The following USP20 variants were observed in gnomAD, a reference collection of about 807,000 sequenced individuals.
The protein encoded by USP20 is ubiquitin specific peptidase 20.
A neutral mutation model predicts 124.2 loss-of-function variants in USP20; 80 were observed. The observed-to-expected ratio is 0.64, with a 90% CI of 0.54 to 0.78. The LOEUF (loss-of-function observed/expected upper bound fraction) is 0.78, where lower values mean the gene tolerates loss of function less well. USP20 is among the 30% of genes least tolerant of loss of function. The probability of loss-of-function intolerance (pLI) is 0.00; values close to 1 mark genes in which losing one functional copy is unlikely to be tolerated. For synonymous variants in USP20, 481 were observed against 512.3 expected, an observed-to-expected ratio of 0.94 and a Z score of 0.83; for missense variants, 1,043 against 1,244.4, an observed-to-expected ratio of 0.84 and a Z score of 2.44.
At chr9:129,838,368 G>T (rs1194957936) in intron 1 of USP20, among the ~76,000 whole-genome samples, 1 of 152,174 alleles carries the variant, frequency 6.6e-6, no homozygotes, top group Non-Finnish European at 1.5e-5. Flanking sequence ...AGGCAGGAAA[G>T]TGGCAGTGCT....
At chr9:129,876,306 GA>G in intron 22 of USP20, 68 bp downstream of exon 22, 1 of 1,382,646 alleles carries the variant, frequency 7.2e-7, no homozygotes, top group South Asian at 1.2e-5. Flanking sequence ...GGGACTTGGG[GA>G]CAGAAGAATC....
chr9:129,868,166 G>A lies in USP20; in HGVS notation c.852G>A (p.Leu284=), dbSNP rs1255169421. 6 of 1,614,012 alleles carry A rather than the reference G, an allele frequency of 3.7e-6. No homozygotes were observed. The South Asian group carries it at 5.5e-5, about 15-fold the overall frequency. The stretch of plus-strand genomic sequence containing the variant: ...GGAGCCCATCAGAAGATGAGTTCTT[G>A]TCCTGTGACTCGAGCAGTGACCGGG... ...GDRSPSEDEF[L]SCDSSSDRGE... is the part of the protein sequence containing the mutation. Residue 284 remains leucine, a synonymous_variant, in exon 11 of 26, where the codon TTG becomes TTA. Transcript: ENST00000372429.
At chr9:129,843,956 A>G (rs139307353) in intron 1 of USP20, among the ~76,000 whole-genome samples, 2,780 of 151,970 alleles carry the variant, frequency 0.018, 49 homozygotes, top group Non-Finnish European at 0.027. Flanking sequence ...AGTCCTAGCT[A>G]CTTGGGGGGC....
chr9:129,863,244 C>T lies in USP20; in HGVS notation c.556C>T (p.Pro186Ser). The T allele has an allele frequency of 1.3e-6, 2 of 1,551,650 alleles. No individual in the cohort carries two copies. Among genetic ancestry groups the T allele is most frequent in the Non-Finnish European group, 1.7e-6 (2 of 1,146,120 alleles). Reference sequence around the variant, plus strand: ...CGGCCTGGTGCGCACAGATAAGAAGCCAGCCCTGTGCAAGAGCTACCAGAA... The same window carrying T: ...CGGCCTGGTGCGCACAGATAAGAAGTCAGCCCTGTGCAAGAGCTACCAGAA... The part of the protein sequence containing the change: ...CGGLVRTDKK[P>S]ALCKSYQKLV... Residue 186 changes from proline (P) to serine (S), a missense_variant, in exon 9 of 26, where the codon CCA becomes TCA. Pro to Ser is a moderately conservative substitution (Grantham distance 74). Coordinates refer to ENST00000372429, the MANE Select transcript of USP20 (RefSeq NM_001110303.4).
chr9:129,865,449 A>G, intron 10 of USP20, 68 bp downstream of exon 10: 1 of 1,546,800 alleles, frequency 6.5e-7, no homozygotes, highest in Non-Finnish European at 8.9e-7. Context: ...TTGACGCCAA[A>G]ACCAGAGTGG....
At chr9:129,852,883 G>A (rs952772989) in intron 3 of USP20, among the ~76,000 whole-genome samples, 1 of 152,140 alleles carries the variant, frequency 6.6e-6, no homozygotes, top group African/African-American at 2.4e-5. Flanking sequence ...TTAGCTGTTG[G>A]GGCGGTGCAC....
In USP20 at chr9:129,869,757, A is replaced by G. The variant is rs2034023592; in HGVS notation, c.1478A>G (p.Tyr493Cys). ...EDLAKLHSAI[Y>C]QNVPAKPGAC... ...CTGGCCAAGCTCCATTCAGCCATCT[A>G]CCAGAATGTGCCGGCCAAGCCAGGC... The change falls in exon 14 of 26, where the codon TAC (tyrosine) becomes TGC (cysteine). Residue 493 changes from tyrosine (Y) to cysteine (C), a missense_variant. Physicochemically the swap from Tyr to Cys is radical, Grantham distance 194. Transcript: ENST00000372429. The G allele has an allele frequency of 1.9e-6, 3 of 1,614,046 alleles. No individual in the cohort carries two copies. The African/African-American group carries it at 4.0e-5, about 22-fold the overall frequency.
At position 129,852,582 on chromosome 9, in the gene USP20, T is replaced by G; in HGVS notation, c.27T>G (p.Pro9=). ...TGGGGGACTCCAGGGACCTTTGCCC[T>G]CACCTTGACTCCATAGGAGAGGTGA... The part of the protein sequence containing the change: MGDSRDLC[P]HLDSIGEVTK... The change falls in exon 3 of 26, where the codon CCT becomes CCG. Residue 9 remains proline (P), a synonymous_variant. Coordinates refer to ENST00000372429, the MANE Select transcript of USP20 (RefSeq NM_001110303.4). The G allele has an allele frequency of 6.3e-7, 1 of 1,599,776 alleles. No homozygotes were observed. The highest frequency in any genetic ancestry group is 8.5e-7 in the Non-Finnish European group (1 of 1,172,544).
At position 129,881,145 on chromosome 9, in the gene USP20, C is replaced by T. The variant is rs1055645004; in HGVS notation, c.*695C>T. 1.3e-5 allele frequency: 2 copies of T among 152,196 alleles called. No individual in the cohort carries two copies. The highest frequency in any genetic ancestry group is 2.1e-4 in the South Asian group (1 of 4,822). The allele number at this position is 152,196 out of a possible 1,614,324, so 9.4% of individuals were successfully genotyped here. A position where few individuals can be genotyped will look rare whatever the true frequency, so the allele number is the denominator to read the frequency against. On this transcript the variant is annotated 3_prime_UTR_variant, in exon 26 of 26. Transcript: ENST00000372429. ...CCCCTGGATTGGCTGTAATTTGCCT[C>T]GAAGTTCAGCAGTTCATCTTCATGG... is the stretch of plus-strand genomic sequence containing the variant.
rs193242142 is a variant in USP20 at position 129,842,584 on chromosome 9, T to C, written c.-129+7085T>C. Among the ~76,000 whole-genome samples the C allele has an allele frequency of 6.2e-4, 94 of 151,928 alleles. 1 individual carries two copies. The East Asian group carries it at 0.018, about 29-fold the overall frequency. ...CCCATGCTTCCGATATTTTAGGTCC[T>C]GTGTGTGGAAGTTTTTTTTTTTTTT... On this transcript the variant is annotated intron_variant, in intron 1 of 25. Transcript: ENST00000372429.
intron 15 of USP20, among the ~76,000 whole-genome samples, chr9:129,871,742 GTC>G (rs1180097445): frequency 6.6e-6 from 1 of 152,168 alleles, no homozygotes; most frequent in African/African-American, 2.4e-5. Context: ...TTGAGACGGA[GTC>G]TCTCTCTTGA....
chr9:129,836,127 T>A (rs1260862036), intron 1 of USP20, among the ~76,000 whole-genome samples: 1 of 152,200 alleles, frequency 6.6e-6, no homozygotes, highest in Non-Finnish European at 1.5e-5. Flanking sequence ...ACCCCGAAGA[T>A]GCTGTGAGGA....
intron 10 of USP20, among the ~76,000 whole-genome samples, chr9:129,865,757 C>T (rs1395204669): frequency 1.3e-5 from 2 of 152,008 alleles, no homozygotes; most frequent in African/African-American, 4.8e-5. Flanking sequence ...CTCGACCTCC[C>T]GGGCTCAAGC....
chr9:129,881,660 G>T lies in USP20; in HGVS notation c.*1210G>T. 1 of 152,602 alleles carries T rather than the reference G, an allele frequency of 6.6e-6. No homozygotes were observed. 9.5% of individuals were successfully genotyped at this position (152,602 alleles called of 1,614,324 possible). A position where few individuals can be genotyped will look rare whatever the true frequency, so the allele number is the denominator to read the frequency against. Reference sequence around the variant, plus strand: ...TCCTGCTCCCTCCCTGCTGAGCCTGGGGTTCCCCTGGCATTGGCCCCAGCC... The same window carrying T: ...TCCTGCTCCCTCCCTGCTGAGCCTGTGGTTCCCCTGGCATTGGCCCCAGCC... On this transcript the variant is annotated 3_prime_UTR_variant, in exon 26 of 26. Coordinates refer to ENST00000372429, the MANE Select transcript of USP20 (RefSeq NM_001110303.4).
At chr9:129,838,065 G>T (rs1481974389) in intron 1 of USP20, among the ~76,000 whole-genome samples, 1 of 147,764 alleles carries the variant, frequency 6.8e-6, no homozygotes, top group South Asian at 2.1e-4. Flanking sequence ...TTTTTGAGAC[G>T]GAGTCTCACT....
At chr9:129,861,428 T>C (rs1298568589) in intron 7 of USP20, 115 bp from the exon 8 acceptor site, 1 of 918,658 alleles carries the variant, frequency 1.1e-6, no homozygotes, top group Non-Finnish European at 1.8e-6. Context: ...CACCATGTCC[T>C]CTTCTTGGGT....
intron 8 of USP20, 75 bp downstream of exon 8, chr9:129,861,687 C>G: frequency 6.9e-7 from 1 of 1,440,186 alleles, no homozygotes; most frequent in Non-Finnish European, 9.7e-7. Context: ...TAGCAGCCCC[C>G]AGCCGGTTGC....
rs558219663 is a variant in USP20 at position 129,868,593 on chromosome 9, G to C, written c.1135+144G>C. The C allele has an allele frequency of 1.7e-4, 249 of 1,434,328 alleles. 1 individual carries two copies. The highest frequency in any genetic ancestry group is 1.3e-3 in the Middle Eastern group (5 of 3,900). The allele number at this position is 1,434,328 out of a possible 1,614,324, so 88.9% of individuals were successfully genotyped here. ...CAGTGGGGAAGTCAGCCTCCGGGGG[G>C]GCTCAGTGATGTGCCCAGGGTCCCC... On this transcript the variant is annotated intron_variant, in intron 11 of 25. Coordinates refer to ENST00000372429, the MANE Select transcript of USP20 (RefSeq NM_001110303.4).
intron 10 of USP20, among the ~76,000 whole-genome samples, chr9:129,867,580 C>T (rs1040364476): frequency 6.6e-6 from 1 of 152,078 alleles, no homozygotes; most frequent in African/African-American, 2.4e-5. Flanking sequence ...GCATCACACT[C>T]CCTCATCCTT....
Sources: allele counts gnomAD v4.1 joint callset (sites outside exome capture counted in the v4.1 genomes callset), GRCh38; gene constraint gnomAD v4.1.1; transcripts MANE v1.5; gene names NCBI Gene and HGNC (gene_info 2026-07-23, HGNC 2026-07-21).